The following PCDHGA2 variants were observed in gnomAD, a reference collection of about 807,000 sequenced individuals.
The protein encoded by PCDHGA2 is protocadherin gamma-A2.
A neutral mutation model predicts 59.2 loss-of-function variants in PCDHGA2; 40 were observed. The observed-to-expected ratio is 0.68, with a 90% CI of 0.52 to 0.88. The LOEUF (loss-of-function observed/expected upper bound fraction) is 0.88. Ranked by LOEUF, PCDHGA2 falls within the 40% of genes least tolerant of loss-of-function variation. The pLI is 0.00. For missense variants in PCDHGA2, 1,226 were observed against 1,204.0 expected, an observed-to-expected ratio of 1.02 and a Z score of -0.27; for synonymous variants, 560 against 526.0, an observed-to-expected ratio of 1.06 and a Z score of -0.89.
rs1420684731 is a variant in PCDHGA2 at position 141,340,981 on chromosome 5, C to T, written c.2010C>T (p.Asp670=). 1 of 1,613,844 alleles carries T rather than the reference C, an allele frequency of 6.2e-7. No homozygotes were observed. The highest frequency in any genetic ancestry group is 2.2e-5 in the East Asian group (1 of 44,884). ...LTVAVADRIP[D]ILADLGSLEP... ...TGGCCGTGGCCGACAGGATCCCCGA[C>T]ATCCTGGCCGACCTGGGCAGCCTCG... The change falls in exon 1 of 4, where the codon GAC becomes GAT. Residue 670 remains aspartate, a synonymous_variant. Transcript: ENST00000394576.
At chr5:141,410,370 C>T (rs780808768) in intron 1 of PCDHGA2, 2 of 1,614,060 alleles carry the variant, frequency 1.2e-6, no homozygotes, top group South Asian at 2.2e-5. Flanking sequence ...AGCCCTGCTA[C>T]TTGGGACTGC....
intron 1 of PCDHGA2, chr5:141,388,386 C>G: frequency 6.2e-7 from 1 of 1,613,944 alleles, no homozygotes; most frequent in Non-Finnish European, 8.5e-7. Flanking sequence ...CAACACACTG[C>G]AGAATTACCA....
At chr5:141,415,198 G>T in intron 1 of PCDHGA2, 2 of 1,614,038 alleles carry the variant, frequency 1.2e-6, no homozygotes, top group Non-Finnish European at 1.7e-6. Context: ...CATCCCCCAA[G>T]TCCTGGCGGA....
chr5:141,443,974 G>A (rs775899117), intron 1 of PCDHGA2, among the ~76,000 whole-genome samples: 5 of 152,066 alleles, frequency 3.3e-5, no homozygotes, highest in Non-Finnish European at 7.4e-5. Context: ...GTCCATCTAA[G>A]CTATGTTAAT....
chr5:141,344,258 C>T (rs1368023005), intron 1 of PCDHGA2: 1 of 1,613,954 alleles, frequency 6.2e-7, no homozygotes, highest in African/African-American at 1.3e-5. Context: ...CGCAGCTTTT[C>T]TCTCTGAATC....
intron 2 of PCDHGA2, among the ~76,000 whole-genome samples, chr5:141,501,838 G>C (rs888418141): frequency 6.6e-6 from 1 of 152,000 alleles, no homozygotes; most frequent in African/African-American, 2.4e-5. Flanking sequence ...CACCTGTTTG[G>C]CCCTCAACCT....
At chr5:141,403,226 C>A in intron 1 of PCDHGA2, 3 of 1,613,926 alleles carry the variant, frequency 1.9e-6, no homozygotes, top group South Asian at 1.1e-5. Context: ...TAGGATAGAC[C>A]GGGAGGAGCT....
chr5:141,372,682 C>G, intron 1 of PCDHGA2: 1 of 1,614,010 alleles, frequency 6.2e-7, no homozygotes, highest in Non-Finnish European at 8.5e-7. Context: ...TCCTCAAACA[C>G]CGAGTTTAAA....
At chr5:141,362,569 T>G (rs779199612) in intron 1 of PCDHGA2, 18 of 1,607,524 alleles carry the variant, frequency 1.1e-5, no homozygotes, top group Admixed American at 1.7e-5. Context: ...GAGCTTTAAT[T>G]AATTTATTTT....
Position 141,339,627 on chromosome 5 carries a change from A to T in PCDHGA2, c.656A>T (p.Asp219Val), listed in dbSNP as rs768369398. Residue 219 changes from aspartate to valine, a missense_variant, in exon 1 of 4, where the codon GAC becomes GTC. Asp to Val is a radical substitution (Grantham distance 152, BLOSUM62 -3). Coordinates refer to ENST00000394576, the MANE Select transcript of PCDHGA2 (RefSeq NM_018915.4). ...GTTCTCGTGGCTTCTGATGGGGGTG[A>T]CCCAGTGCTATCTGGCACCTCCCGC... ...HLVLVASDGG[D>V]PVLSGTSRIC... 6.2e-7 allele frequency: 1 copy of T among 1,614,140 alleles called. No individual in the cohort carries two copies. The highest frequency in any genetic ancestry group is 8.5e-7 in the Non-Finnish European group (1 of 1,180,022).
chr5:141,511,041 C>T lies in PCDHGA2; in HGVS notation c.2667C>T (p.Pro889=), dbSNP rs1421629777. 1.5e-5 allele frequency: 24 copies of T among 1,614,076 alleles called. No individual in the cohort carries two copies. The highest frequency in any genetic ancestry group is 5.5e-5 in the South Asian group (5 of 91,092). Residue 889 remains proline, a synonymous_variant, in exon 4 of 4, where the codon CCC becomes CCT. Transcript: ENST00000394576. The part of the protein sequence containing the change: ...YGPQFTLQHV[P]DYRQNVYIPG... ...CCCAGTTCACCCTGCAGCACGTGCCCGACTACCGCCAGAATGTCTACATCC... is the reference window on the plus strand; with the variant it reads ...CCCAGTTCACCCTGCAGCACGTGCCTGACTACCGCCAGAATGTCTACATCC...
chr5:141,361,757 C>T (rs1160428745), intron 1 of PCDHGA2: 2 of 1,613,096 alleles, frequency 1.2e-6, no homozygotes, highest in Non-Finnish European at 8.5e-7. Context: ...GGCTCGCCCG[C>T]GCTCAGCGCC....
chr5:141,452,494 T>C (rs1186924396), intron 1 of PCDHGA2, among the ~76,000 whole-genome samples: 2 of 152,192 alleles, frequency 1.3e-5, no homozygotes, highest in African/African-American at 4.8e-5. Flanking sequence ...CACACCCATA[T>C]TTATATTTGT....
intron 1 of PCDHGA2, chr5:141,362,171 G>A (rs62378417): frequency 2.4e-5 from 39 of 1,613,760 alleles, no homozygotes; most frequent in Non-Finnish European, 2.6e-5. Context: ...AGCGACCGCC[G>A]GGAGCCCTCT....
chr5:141,466,822 G>A (rs1396286898), intron 1 of PCDHGA2, among the ~76,000 whole-genome samples: 4 of 152,046 alleles, frequency 2.6e-5, no homozygotes. Flanking sequence ...GGTATAACAA[G>A]TTAGTATGGG....
Position 141,485,618 on chromosome 5 carries a change from G to A in PCDHGA2, c.2425-9189G>A, listed in dbSNP as rs2099616729. 2.5e-6 allele frequency: 4 copies of A among 1,612,092 alleles called. No individual in the cohort carries two copies. Among genetic ancestry groups the A allele is most frequent in the Non-Finnish European group, 3.4e-6 (4 of 1,178,672 alleles). On this transcript the variant is annotated intron_variant, in intron 1 of 3. Coordinates refer to ENST00000394576, the MANE Select transcript of PCDHGA2 (RefSeq NM_018915.4). This position sits in a 1 kb window ranked among gnomAD's most constrained non-coding sequence, Gnocchi z 5.7. The stretch of plus-strand genomic sequence containing the variant: ...GGAAATTGGGGAGGCAGCTCCTCCA[G>A]GACAGCGTTTCCCGTTGGAAAAGGC...
At position 141,489,074 on chromosome 5, in the gene PCDHGA2, C is replaced by A; in HGVS notation, c.2425-5733C>A. On this transcript the variant is annotated intron_variant, in intron 1 of 3. Coordinates refer to ENST00000394576, the MANE Select transcript of PCDHGA2 (RefSeq NM_018915.4). The surrounding 1 kb of genome is among the most constrained non-coding windows in gnomAD (Gnocchi z 4.5). ...TTCAGCTCCCCTCCCCCCTGCCCAC[C>A]CCCGCCACTCGGTGACTAAGAACTG... 9.4e-6 allele frequency: 3 copies of A among 320,798 alleles called. No individual in the cohort carries two copies. The highest frequency in any genetic ancestry group is 1.7e-5 in the Non-Finnish European group (3 of 177,744). 19.9% of individuals were successfully genotyped at this position (320,798 alleles called of 1,614,324 possible). A position where few individuals can be genotyped will look rare whatever the true frequency, so the allele number is the denominator to read the frequency against.
Position 141,356,101 on chromosome 5 carries a change from A to G in PCDHGA2, c.2424+14706A>G, listed in dbSNP as rs573376622. 7.4e-6 allele frequency: 12 copies of G among 1,613,918 alleles called. No individual in the cohort carries two copies. In the African/African-American group the frequency reaches 9.3e-5, roughly 13 times the overall value. On this transcript the variant is annotated intron_variant, in intron 1 of 3. Transcript: ENST00000394576. The stretch of plus-strand genomic sequence containing the variant: ...TCAGTTGAATTCTCTGAGTGGGGAT[A>G]TAACAATATTGGGGGGTCTAGATTA...
In PCDHGA2 at chr5:141,339,712, C is replaced by T; in HGVS notation, c.741C>T (p.Tyr247=). 2 of 1,614,166 alleles carry T rather than the reference C, an allele frequency of 1.2e-6. No homozygotes were observed. The highest frequency in any genetic ancestry group is 1.3e-5 in the African/African-American group (1 of 75,034). ...CGCCTGTTTTTACACAGCCCGAGTA[C>T]CGCATAAGCATTCCGGAGAATACGC... is the stretch of plus-strand genomic sequence containing the variant. ...DNAPVFTQPE[Y]RISIPENTLV... The change falls in exon 1 of 4, where the codon TAC becomes TAT. Residue 247 remains tyrosine (Y), a synonymous_variant. Coordinates refer to ENST00000394576, the MANE Select transcript of PCDHGA2 (RefSeq NM_018915.4).
Sources: gnomAD v4.1 joint callset for allele counts (sites outside exome capture counted in the v4.1 genomes callset) on GRCh38, gnomAD v4.1.1 for gene constraint, Gnocchi (gnomAD v3.1) non-coding constraint, MANE v1.5 for transcripts, NCBI Gene and HGNC (gene_info 2026-07-23, HGNC 2026-07-21) for gene names.